The following FAM131B variants were observed in gnomAD, a reference collection of about 807,000 sequenced individuals.
FAM131B encodes the protein family with sequence similarity 131 member B.
In FAM131B, 19 loss-of-function variants were observed where a neutral mutation model predicts 42.0. That is an observed-to-expected ratio of 0.45 (90% CI 0.32 to 0.66). The LOEUF (loss-of-function observed/expected upper bound fraction) is 0.66. FAM131B is among the 30% of genes least tolerant of loss of function. FAM131B has a pLI of 0.05. For synonymous variants in FAM131B, 183 were observed against 177.6 expected (o/e 1.03, Z -0.24); for missense variants, 370 against 468.4 (o/e 0.79, Z 1.94).
At chr7:143,380,869 G>A in the FAM131B span, 1 of 807,760 alleles carries the variant, frequency 1.2e-6, no homozygotes, top group African/African-American at 1.9e-5. This position sits in a 1 kb window ranked among gnomAD's most constrained non-coding sequence, Gnocchi z 5.0. Context: ...GGCAGGAGGG[G>A]ACCGGGTAAC....
chr7:143,356,191 C>A lies in FAM131B; in HGVS notation c.*359G>T. ...CAGCTCCTGGAAGACGAAATCGGGG[C>A]GTGAAGAACTGAGATCCAGTCTTGA... is the stretch of plus-strand genomic sequence containing the variant. On this transcript the variant is annotated 3_prime_UTR_variant, in exon 7 of 7. Coordinates refer to ENST00000443739, the MANE Select transcript of FAM131B (RefSeq NM_001031690.3). This position sits in a 1 kb window ranked among gnomAD's most constrained non-coding sequence, Gnocchi z 4.4. The A allele has an allele frequency of 4.1e-6, 1 of 245,074 alleles. No individual in the cohort carries two copies. Among genetic ancestry groups the A allele is most frequent in the East Asian group, 8.4e-5 (1 of 11,878 alleles). 15.2% of individuals were successfully genotyped at this position (245,074 alleles called of 1,614,324 possible). A position where few individuals can be genotyped will look rare whatever the true frequency, so the allele number is the denominator to read the frequency against.
At chr7:143,357,047 G>T in intron 6 of FAM131B, 25 bp from the exon 7 acceptor site, 1 of 1,533,998 alleles carries the variant, frequency 6.5e-7, no homozygotes, top group Non-Finnish European at 9.0e-7. Context: ...ATGGAGGTCA[G>T]TGGGGCCACA....
the FAM131B span, chr7:143,380,396 C>T: frequency 1.0e-6 from 1 of 984,908 alleles, no homozygotes; most frequent in Non-Finnish European, 1.2e-6. The surrounding 1 kb of genome is among the most constrained non-coding windows in gnomAD (Gnocchi z 5.0). Context: ...GGGTCTCCAC[C>T]AAGCGCAGTC....
the FAM131B span, among the ~76,000 whole-genome samples, chr7:143,370,264 G>A: frequency 6.6e-6 from 1 of 152,138 alleles, no homozygotes; most frequent in Non-Finnish European, 1.5e-5. Context: ...AGAGCTGCCG[G>A]CACTCATCTT....
rs1803874761 is a variant in FAM131B at position 143,359,927 on chromosome 7, G to T, written c.138+113C>A. On this transcript the variant is annotated intron_variant, in intron 2 of 6. Coordinates refer to ENST00000443739, the MANE Select transcript of FAM131B (RefSeq NM_001031690.3). The surrounding 1 kb of genome is among the most constrained non-coding windows in gnomAD (Gnocchi z 5.4). ...TCTCCATGTGGACTGCTTGGCATGT[G>T]TTGTGAGAAATGTTCTGTAGAAGTG... 2 of 1,016,068 alleles carry T rather than the reference G, an allele frequency of 2.0e-6. No homozygotes were observed. The highest frequency in any genetic ancestry group is 1.6e-5 in the African/African-American group (1 of 62,952). 62.9% of individuals were successfully genotyped at this position (1,016,068 alleles called of 1,614,324 possible).
the FAM131B span, among the ~76,000 whole-genome samples, chr7:143,372,559 C>A: frequency 1.3e-5 from 2 of 152,216 alleles, no homozygotes; most frequent in Non-Finnish European, 2.9e-5. Context: ...CAATGTGTAA[C>A]CTTTGAGCAC....
the FAM131B span, among the ~76,000 whole-genome samples, chr7:143,375,491 G>C: frequency 6.6e-6 from 1 of 152,128 alleles, no homozygotes; most frequent in Non-Finnish European, 1.5e-5. Flanking sequence ...TCACATCTCT[G>C]GGGGTGGCAT....
upstream of FAM131B, among the ~76,000 whole-genome samples, chr7:143,363,113 C>A (rs1804079297): frequency 1.3e-5 from 2 of 152,072 alleles, no homozygotes. Flanking sequence ...AGAATAAAGC[C>A]AGGCCCAAGG....
chr7:143,381,285 C>T, the FAM131B span: 1 of 1,078,812 alleles, frequency 9.3e-7, no homozygotes. Flanking sequence ...CTCTCTTCTC[C>T]CTCCCTCCTC....
upstream of FAM131B, chr7:143,363,916 C>T (rs1804114629): frequency 6.6e-6 from 1 of 152,144 alleles, no homozygotes; most frequent in Non-Finnish European, 1.5e-5. Flanking sequence ...GAATGGAGAG[C>T]TACATCCCAT....
At chr7:143,380,943 G>C in the FAM131B span, 1 of 348,494 alleles carries the variant, frequency 2.9e-6, no homozygotes, top group East Asian at 1.7e-4. This position sits in a 1 kb window ranked among gnomAD's most constrained non-coding sequence, Gnocchi z 5.0. Context: ...TGGCTACCTC[G>C]GCGGCACCCG....
chr7:143,381,497 G>C, the FAM131B span: 1 of 1,505,254 alleles, frequency 6.6e-7, no homozygotes, highest in Non-Finnish European at 8.9e-7. Context: ...AAGGGGAGCT[G>C]GGACCGCCTG....
chr7:143,357,358 C>T lies in FAM131B; in HGVS notation c.532G>A (p.Asp178Asn). The T allele has an allele frequency of 6.2e-7, 1 of 1,614,024 alleles. No homozygotes were observed. Among genetic ancestry groups the T allele is most frequent in the South Asian group, 1.1e-5 (1 of 91,074 alleles). Reference protein sequence around the residue: ...LMAWSSMDGEDMSVNSTQEPL... With the variant: ...LMAWSSMDGENMSVNSTQEPL... ...TCCTGGGTGGAGTTCACACTCATGT[C>T]CTCACCATCCATGGAAGACCAGGCC... Residue 178 changes from aspartate to asparagine, a missense_variant, in exon 6 of 7, where the codon GAC becomes AAC. By Grantham distance (23) the Asp-to-Asn change is conservative. Coordinates refer to ENST00000443739, the MANE Select transcript of FAM131B (RefSeq NM_001031690.3).
chr7:143,367,922 G>A, the FAM131B span, among the ~76,000 whole-genome samples: 1 of 152,330 alleles, frequency 6.6e-6, no homozygotes, highest in Admixed American at 6.5e-5. Flanking sequence ...AGATGACCAA[G>A]GGGATGCATT....
upstream of FAM131B, among the ~76,000 whole-genome samples, chr7:143,364,652 C>A (rs561295726): frequency 2.4e-4 from 36 of 152,232 alleles, no homozygotes; most frequent in African/African-American, 8.4e-4. Context: ...TATTTCCAGT[C>A]CCTCCCCACT....
rs1803576445 is a variant in FAM131B, at chr7:143,354,749, C to T, written c.*1801G>A. On this transcript the variant is annotated 3_prime_UTR_variant, in exon 7 of 7. Transcript: ENST00000443739. Reference sequence around the variant, plus strand: ...CCTACGCCCATGTTTCCTCCAAAAACCAACCTCAGGATAACCATTGTCCCC... The same window carrying T: ...CCTACGCCCATGTTTCCTCCAAAAATCAACCTCAGGATAACCATTGTCCCC... 1 of 152,310 alleles carries T rather than the reference C, an allele frequency of 6.6e-6. No individual in the cohort carries two copies. Among genetic ancestry groups the T allele is most frequent in the African/African-American group, 2.4e-5 (1 of 41,438 alleles). The allele number at this position is 152,310 out of a possible 1,614,324, so 9.4% of individuals were successfully genotyped here. A position where few individuals can be genotyped will look rare whatever the true frequency, so the allele number is the denominator to read the frequency against.
rs1246191216 is a variant in FAM131B, at chr7:143,353,748, G to C, written c.*2802C>G. On this transcript the variant is annotated 3_prime_UTR_variant, in exon 7 of 7. Coordinates refer to ENST00000443739, the MANE Select transcript of FAM131B (RefSeq NM_001031690.3). ...AGAAGATAATAAACTCATTCCCCAA[G>C]ATACCCTCTTCAACACAAGGACAAG... 6.6e-6 allele frequency: 1 copy of C among 152,304 alleles called. No homozygotes were observed. Among genetic ancestry groups the C allele is most frequent in the Non-Finnish European group, 1.5e-5 (1 of 67,994 alleles). 9.4% of individuals were successfully genotyped at this position (152,304 alleles called of 1,614,324 possible). A position where few individuals can be genotyped will look rare whatever the true frequency, so the allele number is the denominator to read the frequency against.
chr7:143,360,169 AGCC>A lies in FAM131B; in HGVS notation c.29-23_29-21del, dbSNP rs1163269861. 6.3e-7 allele frequency: 1 copy of A among 1,589,704 alleles called. No homozygotes were observed. Among genetic ancestry groups the A allele is most frequent in the Non-Finnish European group, 8.6e-7 (1 of 1,167,798 alleles). ...CATTCCCTGAGGGGGCCAGAAGGTT[AGCC>A]GCCGGCCCTCACCTCCCTGTGCAGC... is the stretch of plus-strand genomic sequence containing the variant. On this transcript the variant is annotated intron_variant, in intron 1 of 6. Transcript: ENST00000443739.
Position 143,357,041 on chromosome 7 carries a change from A to T in FAM131B, c.611-19T>A, listed in dbSNP as rs1270025597. The T allele has an allele frequency of 1.3e-6, 2 of 1,564,026 alleles. No homozygotes were observed. ...AGGGCATCTGGAAAAAGAATCATGG[A>T]GGTCAGTGGGGCCACAGAATGTCAA... On this transcript the variant is annotated intron_variant, in intron 6 of 6. Coordinates refer to ENST00000443739, the MANE Select transcript of FAM131B (RefSeq NM_001031690.3).
Sources: gnomAD v4.1 joint callset for allele counts (sites outside exome capture counted in the v4.1 genomes callset) on GRCh38, gnomAD v4.1.1 for gene constraint, Gnocchi (gnomAD v3.1) non-coding constraint, MANE v1.5 for transcripts, NCBI Gene and HGNC (gene_info 2026-07-23, HGNC 2026-07-21) for gene names.